Variants in TMEM132D observed in about 807,000 individuals in gnomAD.
TMEM132D encodes the protein transmembrane protein 132D.
TMEM132D carries 21 observed loss-of-function variants against 62.3 expected under a neutral mutation model. The ratio of observed to expected loss-of-function variants is 0.34; its 90% CI spans 0.24 to 0.49. The LOEUF (loss-of-function observed/expected upper bound fraction) is 0.49. TMEM132D is among the 20% of genes least tolerant of loss of function. The pLI is 0.99. For missense variants in TMEM132D, 1,346 were observed against 1,402.8 expected (o/e 0.96, Z 0.65); for synonymous variants, 621 against 575.6 (o/e 1.08, Z -1.13).
Position 129,244,485 on chromosome 12 carries a change from G to A in TMEM132D, c.1300-34822C>T, listed in dbSNP as rs528888049. ...CTTGCTCCTACGGTGCATAGACAAT[G>A]CTTACGCTATGGCTAGAAAGATAAA... is the stretch of plus-strand genomic sequence containing the variant. On this transcript the variant is annotated intron_variant, in intron 4 of 8. Coordinates refer to ENST00000422113, the MANE Select transcript of TMEM132D (RefSeq NM_133448.3). Among the ~76,000 whole-genome samples the A allele has an allele frequency of 4.3e-3, 608 of 140,538 alleles. 6 individuals carry two copies. The highest frequency in any genetic ancestry group is 0.015 in the African/African-American group (572 of 37,698). The allele number at this position is 140,538 out of a possible 152,430, so 92.2% of individuals were successfully genotyped here. A position where few individuals can be genotyped will look rare whatever the true frequency, so the allele number is the denominator to read the frequency against.
intron 4 of TMEM132D, among the ~76,000 whole-genome samples, chr12:129,279,358 G>C (rs1003829910): frequency 1.3e-5 from 2 of 152,080 alleles, no homozygotes; most frequent in African/African-American, 4.8e-5. Flanking sequence ...CTGTGGCAAA[G>C]GATTCTTTTT....
intron 2 of TMEM132D, among the ~76,000 whole-genome samples, chr12:129,663,519 T>C (rs1880297831): frequency 6.6e-6 from 1 of 152,170 alleles, no homozygotes; most frequent in Non-Finnish European, 1.5e-5. Context: ...CACCAGGACA[T>C]ATTGAATCAT....
intron 4 of TMEM132D, among the ~76,000 whole-genome samples, chr12:129,284,204 G>A (rs892876681): frequency 6.6e-6 from 1 of 152,198 alleles, no homozygotes; most frequent in Non-Finnish European, 1.5e-5. Context: ...TGCAGCCTTG[G>A]CTCAGCTCAC....
At chr12:129,623,198 A>G (rs1029145022) in intron 2 of TMEM132D, among the ~76,000 whole-genome samples, 1 of 152,174 alleles carries the variant, frequency 6.6e-6, no homozygotes, top group African/African-American at 2.4e-5. Flanking sequence ...AATATGTAAC[A>G]ACAACCAACT....
chr12:129,165,570 A>G (rs775544992), intron 5 of TMEM132D, among the ~76,000 whole-genome samples: 12 of 152,118 alleles, frequency 7.9e-5, no homozygotes, highest in Non-Finnish European at 1.6e-4. Flanking sequence ...GCCTGTCTCT[A>G]CCCTGTTTCT....
In TMEM132D at chr12:129,139,235, G is replaced by A. The variant is rs568015862; in HGVS notation, c.1444-54533C>T. Among the ~76,000 whole-genome samples the A allele has an allele frequency of 4.6e-5, 7 of 152,320 alleles. No individual in the cohort carries two copies. In the South Asian group the frequency reaches 1.2e-3, roughly 27 times the overall value. ...CTCAAAATTCTTTCTTTCCAGTAGA[G>A]AGCAAAACATTTCCAGTAGTCTCTG... On this transcript the variant is annotated intron_variant, in intron 5 of 8. Coordinates refer to ENST00000422113, the MANE Select transcript of TMEM132D (RefSeq NM_133448.3).
At chr12:129,807,064 T>TTGCCAAATGAA (rs1428761332) in intron 1 of TMEM132D, among the ~76,000 whole-genome samples, 1 of 152,008 alleles carries the variant, frequency 6.6e-6, no homozygotes, top group Admixed American at 6.6e-5. Context: ...AATAAATGAA[T>TTGCCAAATGAA]AAAGTAATTG....
At chr12:129,741,598 A>G (rs1334460430) in intron 1 of TMEM132D, among the ~76,000 whole-genome samples, 1 of 152,200 alleles carries the variant, frequency 6.6e-6, no homozygotes, top group Non-Finnish European at 1.5e-5. Flanking sequence ...CTGGATGGCA[A>G]GAAGATAAAA....
At chr12:129,652,209 C>T (rs973385229) in intron 2 of TMEM132D, among the ~76,000 whole-genome samples, 2 of 152,130 alleles carry the variant, frequency 1.3e-5, no homozygotes, top group Non-Finnish European at 2.9e-5. Flanking sequence ...CGTAGAAGAA[C>T]GGTATAGAAC....
At chr12:129,365,749 G>A (rs1439542012) in intron 3 of TMEM132D, among the ~76,000 whole-genome samples, 1 of 152,132 alleles carries the variant, frequency 6.6e-6, no homozygotes, top group Non-Finnish European at 1.5e-5. Context: ...CACTGGGTGT[G>A]TGCTTCTCTG....
At chr12:129,414,683 G>T (rs1007330940) in intron 3 of TMEM132D, among the ~76,000 whole-genome samples, 1 of 152,112 alleles carries the variant, frequency 6.6e-6, no homozygotes, top group East Asian at 1.9e-4. Context: ...TCCTCTCTTA[G>T]CATATTTTAA....
chr12:129,430,034 T>A (rs1005010060), intron 3 of TMEM132D, among the ~76,000 whole-genome samples: 19 of 152,148 alleles, frequency 1.2e-4, no homozygotes, highest in African/African-American at 4.6e-4. Context: ...ATAGTGCCAC[T>A]ATAAACATAC....
In TMEM132D at chr12:129,404,426, A is replaced by T. The variant is rs190922036; in HGVS notation, c.1116-66609T>A. ...TGGCCAGGCTGGTCTCGAACTCCTG[A>T]CCTAAAGTGATTCACCCGCCTCAGC... On this transcript the variant is annotated intron_variant, in intron 3 of 8. Coordinates refer to ENST00000422113, the MANE Select transcript of TMEM132D (RefSeq NM_133448.3). Among the ~76,000 whole-genome samples the T allele has an allele frequency of 3.1e-3, 466 of 152,254 alleles. 2 individuals carry two copies. Among genetic ancestry groups the T allele is most frequent in the African/African-American group, 0.011 (438 of 41,548 alleles).
intron 1 of TMEM132D, among the ~76,000 whole-genome samples, chr12:129,870,048 G>A (rs960562591): frequency 3.9e-5 from 6 of 152,180 alleles, no homozygotes; most frequent in Admixed American, 2.0e-4. Context: ...GAGTGCAGAG[G>A]TGTGATCATG....
At chr12:129,662,791 CAAAAA>C (rs34743737) in intron 2 of TMEM132D, among the ~76,000 whole-genome samples, 2 of 69,408 alleles carry the variant, frequency 2.9e-5, no homozygotes, top group African/African-American at 5.3e-5. Context: ...GATTCCATCT[CAAAAA>C]AAAAAAAAAA....
At chr12:129,803,787 C>T (rs552269867) in intron 1 of TMEM132D, among the ~76,000 whole-genome samples, 128 of 151,444 alleles carry the variant, frequency 8.5e-4, no homozygotes, top group South Asian at 6.5e-3. Flanking sequence ...ATAGATAGAC[C>T]GCTAGCAAGA....
At chr12:129,444,497 G>A (rs1384541858) in intron 3 of TMEM132D, among the ~76,000 whole-genome samples, 2 of 152,180 alleles carry the variant, frequency 1.3e-5, no homozygotes, top group African/African-American at 4.8e-5. Flanking sequence ...TGGGATACAT[G>A]TGCAGGTTTG....
intron 4 of TMEM132D, among the ~76,000 whole-genome samples, chr12:129,331,099 C>A (rs1341675915): frequency 2.6e-5 from 4 of 152,110 alleles, no homozygotes. Context: ...CAAGGAAGAC[C>A]CTGTGGTGGA....
chr12:129,727,123 T>A (rs1184537427), intron 1 of TMEM132D, among the ~76,000 whole-genome samples: 2 of 152,274 alleles, frequency 1.3e-5, no homozygotes, highest in Admixed American at 1.3e-4. Flanking sequence ...TTTTTTATTT[T>A]GATGTATGAT....
Sources: allele counts gnomAD v4.1 joint callset (sites outside exome capture counted in the v4.1 genomes callset), GRCh38; gene constraint gnomAD v4.1.1; transcripts MANE v1.5; gene names NCBI Gene and HGNC (gene_info 2026-07-23, HGNC 2026-07-21).